EDN1: variants seen among roughly 807,000 people sequenced by gnomAD.
The protein encoded by EDN1 is endothelin-1.
Under a neutral mutation model 21.7 loss-of-function variants are expected in EDN1, and 11 were observed. The ratio of observed to expected loss-of-function variants is 0.51; its 90% confidence interval spans 0.32 to 0.84. The LOEUF is 0.84. EDN1 is among the 40% of genes least tolerant of loss of function. The pLI, the probability that EDN1 is intolerant of heterozygous loss-of-function variation, is 0.03. For missense variants in EDN1, 244 were observed against 262.3 expected (o/e 0.93, Z 0.48); for synonymous variants, 85 against 90.6 (o/e 0.94, Z 0.35).
the EDN1 span, among the ~76,000 whole-genome samples, chr6:12,285,021 T>A: frequency 6.6e-6 from 1 of 152,144 alleles, no homozygotes; most frequent in Admixed American, 6.5e-5. Flanking sequence ...ATTTAAAAGA[T>A]GAGGAGGCAG....
chr6:12,271,301 G>C, the EDN1 span, among the ~76,000 whole-genome samples: 6 of 151,944 alleles, frequency 3.9e-5, no homozygotes, highest in African/African-American at 9.6e-5. Context: ...GTGATTTTCT[G>C]TAGTAATAAA....
the EDN1 span, among the ~76,000 whole-genome samples, chr6:12,264,292 CTG>C: frequency 6.6e-6 from 1 of 152,104 alleles, no homozygotes; most frequent in Non-Finnish European, 1.5e-5. Context: ...GCTACAATAA[CTG>C]TATAGACATG....
the EDN1 span, among the ~76,000 whole-genome samples, chr6:12,246,025 G>GAGA: frequency 0.83 from 126,727 of 151,968 alleles, 53,026 homozygotes; most frequent in East Asian, 0.96. Flanking sequence ...CACAAAGGCA[G>GAGA]AGAAGATCCT....
At chr6:12,277,960 G>A in the EDN1 span, among the ~76,000 whole-genome samples, 8 of 152,162 alleles carry the variant, frequency 5.3e-5, no homozygotes, top group Non-Finnish European at 1.5e-5. Context: ...TTTTGGACTC[G>A]ATAATCTGGA....
At chr6:12,236,414 C>T in the EDN1 span, among the ~76,000 whole-genome samples, 1 of 151,880 alleles carries the variant, frequency 6.6e-6, no homozygotes, top group Non-Finnish European at 1.5e-5. Context: ...TGTGCCACCA[C>T]ACTAGGCTAT....
the EDN1 span, among the ~76,000 whole-genome samples, chr6:12,246,389 G>T: frequency 6.6e-6 from 1 of 152,144 alleles, no homozygotes; most frequent in African/African-American, 2.4e-5. Flanking sequence ...GAGAAAACTT[G>T]CCTGGGTGAA....
At chr6:12,249,447 T>C in the EDN1 span, among the ~76,000 whole-genome samples, 27 of 151,642 alleles carry the variant, frequency 1.8e-4, 1 homozygote, top group East Asian at 5.2e-3. Flanking sequence ...TTCTGAAAAG[T>C]AGATCTTCAG....
chr6:12,289,316 C>CA (rs56176245), upstream of EDN1, among the ~76,000 whole-genome samples: 13 of 151,534 alleles, frequency 8.6e-5, no homozygotes, highest in Admixed American at 6.6e-5. Context: ...GACACCCCCC[C>CA]AAAAAAAAGA....
At chr6:12,232,192 A>G in the EDN1 span, among the ~76,000 whole-genome samples, 1 of 139,680 alleles carries the variant, frequency 7.2e-6, no homozygotes, top group Non-Finnish European at 1.6e-5. Context: ...ATTATATTAT[A>G]TTTATAATAT....
intron 2 of EDN1, among the ~76,000 whole-genome samples, chr6:12,293,734 A>C (rs1300900797): frequency 6.6e-6 from 1 of 152,132 alleles, no homozygotes; most frequent in East Asian, 1.9e-4. Context: ...AATTAGAAAA[A>C]CTTGTTTTCT....
chr6:12,269,601 A>G, the EDN1 span, among the ~76,000 whole-genome samples: 774 of 152,040 alleles, frequency 5.1e-3, 8 homozygotes, highest in African/African-American at 0.018. Context: ...CCTTGATTCT[A>G]TAATGTTTAT....
chr6:12,248,161 T>G, the EDN1 span, among the ~76,000 whole-genome samples: 97 of 152,108 alleles, frequency 6.4e-4, 1 homozygote, highest in Non-Finnish European at 1.2e-3. Flanking sequence ...AGGCAAAAGA[T>G]TATACAAAAG....
rs1762758216 is a variant in EDN1 at position 12,294,002 on chromosome 6, C to T, written c.295C>T (p.Pro99Ser). 1.2e-6 allele frequency: 2 copies of T among 1,614,080 alleles called. No individual in the cohort carries two copies. Among genetic ancestry groups the T allele is most frequent in the Non-Finnish European group, 8.5e-7 (1 of 1,180,032 alleles). ...CAAGAGAGCCTTGGAGAATTTACTTCCCACAAAGGCAACAGACCGTGAAAA... is the reference window on the plus strand; with the variant it reads ...CAAGAGAGCCTTGGAGAATTTACTTTCCACAAAGGCAACAGACCGTGAAAA... ...RSKRALENLL[P>S]TKATDRENRC... The change falls in exon 3 of 5, where the codon CCC becomes TCC. Residue 99 changes from proline (P) to serine (S), a missense_variant. By Grantham distance (74) the Pro-to-Ser change is moderately conservative. Coordinates refer to ENST00000379375, the MANE Select transcript of EDN1 (RefSeq NM_001955.5).
At chr6:12,287,712 T>TCACACA (rs66467626), upstream of EDN1, among the ~76,000 whole-genome samples, 399 of 103,064 alleles carry the variant, frequency 3.9e-3, 3 homozygotes, top group Middle Eastern at 5.6e-3. Context: ...TCTCTCTCTC[T>TCACACA]CACACACACA....
At chr6:12,263,083 CT>C in the EDN1 span, among the ~76,000 whole-genome samples, 1 of 152,092 alleles carries the variant, frequency 6.6e-6, no homozygotes. Context: ...GAAGACAGCT[CT>C]ATCATCTTAA....
chr6:12,251,603 C>T, the EDN1 span, among the ~76,000 whole-genome samples: 1 of 152,174 alleles, frequency 6.6e-6, no homozygotes, highest in Non-Finnish European at 1.5e-5. Context: ...AGATTAAAAA[C>T]AAGAAACAGC....
chr6:12,284,736 G>A, the EDN1 span, among the ~76,000 whole-genome samples: 402 of 124,716 alleles, frequency 3.2e-3, 3 homozygotes, highest in South Asian at 9.0e-3. Context: ...AGGAAGGAAG[G>A]AAGGAAGGAA....
In EDN1 at chr6:12,293,937, A is replaced by T; in HGVS notation, c.234-4A>T. On this transcript the variant is annotated splice_polypyrimidine_tract_variant and splice_region_variant and intron_variant, in intron 2 of 4. Coordinates refer to ENST00000379375, the MANE Select transcript of EDN1 (RefSeq NM_001955.5). ...TATAGTTTCTTTCTCTCTTTGGATA[A>T]TAGGCACGTTGTTCCGTATGGACTT... 6.2e-7 allele frequency: 1 copy of T among 1,614,180 alleles called. No homozygotes were observed. Among genetic ancestry groups the T allele is most frequent in the Non-Finnish European group, 8.5e-7 (1 of 1,180,028 alleles).
chr6:12,268,691 A>G, the EDN1 span, among the ~76,000 whole-genome samples: 1 of 152,136 alleles, frequency 6.6e-6, no homozygotes, highest in African/African-American at 2.4e-5. Context: ...TTTTTATGCC[A>G]GTACCATGCT....
Sources: gnomAD v4.1 joint callset for allele counts (sites outside exome capture counted in the v4.1 genomes callset) on GRCh38, gnomAD v4.1.1 for gene constraint, MANE v1.5 for transcripts, NCBI Gene and HGNC (gene_info 2026-07-23, HGNC 2026-07-21) for gene names.